RAB11FIP3: variants seen among roughly 807,000 people sequenced by gnomAD.
RAB11FIP3 encodes RAB11 family interacting protein 3.
A neutral mutation model predicts 77.8 loss-of-function variants in RAB11FIP3; 17 were observed. That is an observed-to-expected ratio of 0.22 (90% CI 0.15 to 0.33). The LOEUF (loss-of-function observed/expected upper bound fraction) is 0.33, where lower values mean the gene tolerates loss of function less well. Ranked by LOEUF, RAB11FIP3 falls within the 10% of genes least tolerant of loss-of-function variation. The probability of loss-of-function intolerance (pLI) is 1.00; values close to 1 mark genes in which losing one functional copy is unlikely to be tolerated. For synonymous variants in RAB11FIP3, 437 were observed against 448.2 expected (o/e 0.98, Z 0.31); for missense variants, 1,005 against 1,011.2 (o/e 0.99, Z 0.08).
chr16:443,343 C>T (rs1413298371), intron 1 of RAB11FIP3, among the ~76,000 whole-genome samples: 2 of 152,050 alleles, frequency 1.3e-5, no homozygotes, highest in Non-Finnish European at 2.9e-5. Context: ...TAAAAACATG[C>T]AAAAGAAGTA....
At chr16:429,389 G>A (rs1199572436) in intron 1 of RAB11FIP3, among the ~76,000 whole-genome samples, 1 of 152,008 alleles carries the variant, frequency 6.6e-6, no homozygotes, top group African/African-American at 2.4e-5. Flanking sequence ...AGCAATAAAG[G>A]TCATAAGTTT....
intron 1 of RAB11FIP3, among the ~76,000 whole-genome samples, chr16:458,753 C>A (rs2055552787): frequency 6.6e-6 from 1 of 152,268 alleles, no homozygotes; most frequent in African/African-American, 2.4e-5. Flanking sequence ...CCAAGAGGGG[C>A]TTTCTTCAGG....
chr16:434,187 T>G (rs1362088264), intron 1 of RAB11FIP3, among the ~76,000 whole-genome samples: 1 of 152,244 alleles, frequency 6.6e-6, no homozygotes, highest in East Asian at 1.9e-4. Flanking sequence ...AATGGCACGA[T>G]TTTAGGTCAC....
intron 8 of RAB11FIP3, among the ~76,000 whole-genome samples, chr16:509,760 C>CG (rs1426136982): frequency 3.9e-5 from 6 of 152,286 alleles, no homozygotes; most frequent in Non-Finnish European, 7.4e-5. Flanking sequence ...GCCCCCCCCC[C>CG]ACTTGTGGCC....
intron 9 of RAB11FIP3, among the ~76,000 whole-genome samples, chr16:515,011 C>T (rs1012598362): frequency 6.6e-5 from 10 of 152,134 alleles, no homozygotes; most frequent in African/African-American, 2.4e-4. Context: ...TGAGTAGACT[C>T]CCCTGAGCCT....
intron 5 of RAB11FIP3, among the ~76,000 whole-genome samples, chr16:492,258 A>T (rs11643250): frequency 1.2e-3 from 181 of 152,090 alleles, no homozygotes; most frequent in South Asian, 3.1e-3. Flanking sequence ...GTGCCCATTC[A>T]GGTGGAGAGG....
intron 1 of RAB11FIP3, among the ~76,000 whole-genome samples, chr16:450,353 T>C (rs2055386877): frequency 6.6e-6 from 1 of 152,014 alleles, no homozygotes; most frequent in African/African-American, 2.4e-5. Context: ...TTTTTTGTAT[T>C]TTTGGTAGAT....
At chr16:427,278 T>C (rs1027166834) in intron 1 of RAB11FIP3, among the ~76,000 whole-genome samples, 1 of 152,220 alleles carries the variant, frequency 6.6e-6, no homozygotes, top group Non-Finnish European at 1.5e-5. Context: ...AGTCAATGCT[T>C]GTAGAGAGTC....
At chr16:463,905 G>A (rs2055660068) in intron 2 of RAB11FIP3, among the ~76,000 whole-genome samples, 1 of 152,220 alleles carries the variant, frequency 6.6e-6, no homozygotes. Context: ...AGGTGCTGCT[G>A]CTGTCAGCGT....
chr16:471,477 C>T lies in RAB11FIP3; in HGVS notation c.903+88C>T, dbSNP rs2055807591. ...ACAGCTCGTGCCTCCTGCCTCCGGG[C>T]TGTCTTCCGTAGAAGCTGGCGTGAA... On this transcript the variant is annotated intron_variant, in intron 3 of 13. Transcript: ENST00000262305. This position sits in a 1 kb window ranked among gnomAD's most constrained non-coding sequence, Gnocchi z 4.4. 8.6e-7 allele frequency: 1 copy of T among 1,168,418 alleles called. No homozygotes were observed. Among genetic ancestry groups the T allele is most frequent in the East Asian group, 2.6e-5 (1 of 38,824 alleles). 72.4% of individuals were successfully genotyped at this position (1,168,418 alleles called of 1,614,324 possible). A position where few individuals can be genotyped will look rare whatever the true frequency, so the allele number is the denominator to read the frequency against.
intron 2 of RAB11FIP3, among the ~76,000 whole-genome samples, chr16:465,548 G>A (rs1316972984): frequency 2.0e-5 from 3 of 152,158 alleles, no homozygotes; most frequent in Non-Finnish European, 2.9e-5. Context: ...AAAACAGAGG[G>A]AAGTAGATGC....
At chr16:508,152 C>T (rs893879368) in intron 8 of RAB11FIP3, among the ~76,000 whole-genome samples, 1 of 152,222 alleles carries the variant, frequency 6.6e-6, no homozygotes, top group African/African-American at 2.4e-5. Context: ...TCCCACCCTG[C>T]TCCAGTCCAT....
intron 2 of RAB11FIP3, among the ~76,000 whole-genome samples, chr16:468,329 G>T: frequency 6.6e-6 from 1 of 151,944 alleles, no homozygotes; most frequent in Middle Eastern, 3.4e-3. Flanking sequence ...CAGGGAGGCG[G>T]TGCTGCCATG....
intron 5 of RAB11FIP3, among the ~76,000 whole-genome samples, chr16:491,818 C>T (rs111811257): frequency 0.026 from 3,907 of 151,852 alleles, 70 homozygotes; most frequent in Non-Finnish European, 0.039. Context: ...GTGTTGATTT[C>T]GCTTGCGGTG....
chr16:510,809 T>C lies in RAB11FIP3; in HGVS notation c.1640+9T>C. The C allele has an allele frequency of 6.2e-7, 1 of 1,611,378 alleles. No homozygotes were observed. Among genetic ancestry groups the C allele is most frequent in the East Asian group, 2.2e-5 (1 of 44,776 alleles). ...GAGAACCTGCAGACCAGGTAGGCGG[T>C]TCCCAACAGCCCATCCACCCCAGAA... is the stretch of plus-strand genomic sequence containing the variant. On this transcript the variant is annotated intron_variant, in intron 9 of 13. Transcript: ENST00000262305.
intron 6 of RAB11FIP3, among the ~76,000 whole-genome samples, chr16:499,579 C>T (rs1212981011): frequency 2.0e-5 from 3 of 152,092 alleles, no homozygotes; most frequent in Non-Finnish European, 4.4e-5. Context: ...GGGTGGATCA[C>T]GAGGTCAGGA....
chr16:479,506 A>G (rs934746092), intron 3 of RAB11FIP3, among the ~76,000 whole-genome samples: 2 of 151,936 alleles, frequency 1.3e-5, no homozygotes, highest in Non-Finnish European at 2.9e-5. Context: ...AGCCTGGGCA[A>G]CAGAGTGAGA....
chr16:501,007 A>T (rs181741354), intron 6 of RAB11FIP3, among the ~76,000 whole-genome samples: 13 of 152,286 alleles, frequency 8.5e-5, no homozygotes, highest in Admixed American at 3.3e-4. Context: ...TATCAGCAGC[A>T]GCTTTTGAGA....
rs753818324 is a variant in RAB11FIP3 at position 520,912 on chromosome 16, G to T, written c.*73G>T. 15 of 1,241,238 alleles carry T rather than the reference G, an allele frequency of 1.2e-5. No individual in the cohort carries two copies. The highest frequency in any genetic ancestry group is 1.7e-5 in the Non-Finnish European group (14 of 845,716). 76.9% of individuals were successfully genotyped at this position (1,241,238 alleles called of 1,614,324 possible). On this transcript the variant is annotated 3_prime_UTR_variant, in exon 14 of 14. Coordinates refer to ENST00000262305, the MANE Select transcript of RAB11FIP3 (RefSeq NM_014700.4). ...GAGTGGTTCCGTCAGACCATGAGGA[G>T]CCAAGACCAGCAGGTCCCACAGCCG...
Sources: gnomAD v4.1 joint callset for allele counts (sites outside exome capture counted in the v4.1 genomes callset) on GRCh38, gnomAD v4.1.1 for gene constraint, Gnocchi (gnomAD v3.1) non-coding constraint, MANE v1.5 for transcripts, NCBI Gene and HGNC (gene_info 2026-07-23, HGNC 2026-07-21) for gene names.